LRMDA: variants seen among roughly 807,000 people sequenced by gnomAD.
LRMDA encodes leucine rich melanocyte differentiation associated, also known as leucine-rich melanocyte differentiation-associated protein.
LRMDA carries 18 observed loss-of-function variants against 29.8 expected under a neutral mutation model. That is an observed-to-expected ratio of 0.60 (90% confidence interval 0.42 to 0.90). LRMDA has a LOEUF of 0.90. LRMDA is among the 40% of genes least tolerant of loss of function. The pLI is 0.00. For synonymous variants in LRMDA, 125 were observed against 109.4 expected (o/e 1.14, Z -0.89); for missense variants, 273 against 273.9 (o/e 1.00, Z 0.02).
chr10:76,216,940 C>T (rs560320977), intron 5 of LRMDA, among the ~76,000 whole-genome samples: 4 of 152,190 alleles, frequency 2.6e-5, no homozygotes, highest in African/African-American at 9.6e-5. Flanking sequence ...CCAGTTAAAA[C>T]AAGTGAAGTG....
intron 6 of LRMDA, among the ~76,000 whole-genome samples, chr10:76,358,405 T>C (rs185423823): frequency 6.6e-6 from 1 of 152,334 alleles, no homozygotes; most frequent in East Asian, 1.9e-4. Flanking sequence ...GGTGTCAAAT[T>C]ATGCACAGCG....
chr10:76,004,679 T>G (rs1313056672), intron 2 of LRMDA, among the ~76,000 whole-genome samples: 1 of 152,094 alleles, frequency 6.6e-6, no homozygotes, highest in Non-Finnish European at 1.5e-5. Context: ...AAGGAACCAC[T>G]GCACCAAAGC....
intron 6 of LRMDA, among the ~76,000 whole-genome samples, chr10:76,429,509 T>C (rs1842168376): frequency 6.6e-6 from 1 of 152,048 alleles, no homozygotes; most frequent in Admixed American, 6.5e-5. Flanking sequence ...TTATTCCTCT[T>C]GTCAGGGAGG....
At chr10:76,335,918 A>T (rs1454701647) in intron 6 of LRMDA, among the ~76,000 whole-genome samples, 2 of 152,140 alleles carry the variant, frequency 1.3e-5, no homozygotes, top group Non-Finnish European at 2.9e-5. Context: ...GGAGGGCATA[A>T]TGAGGCATGT....
intron 2 of LRMDA, among the ~76,000 whole-genome samples, chr10:75,907,077 G>A (rs1845771427): frequency 6.6e-6 from 1 of 152,214 alleles, no homozygotes; most frequent in African/African-American, 2.4e-5. Flanking sequence ...AGTTTCTAAT[G>A]TATACGAAAG....
rs555941070 is a variant in LRMDA at position 75,583,766 on chromosome 10, T to A, written c.131+145272T>A. On this transcript the variant is annotated intron_variant, in intron 2 of 6. Transcript: ENST00000611255. ...TCAACTTCTCTTTCTCCTTCCCCAG[T>A]CTCACATTGCACCAAATCAGTCATT... Among the ~76,000 whole-genome samples, 13 of 152,230 alleles carry A rather than the reference T, an allele frequency of 8.5e-5. No individual in the cohort carries two copies. The East Asian group carries it at 9.7e-4, about 11-fold the overall frequency.
At chr10:76,458,265 A>G (rs1842478464) in intron 6 of LRMDA, among the ~76,000 whole-genome samples, 1 of 152,152 alleles carries the variant, frequency 6.6e-6, no homozygotes, top group Non-Finnish European at 1.5e-5. Flanking sequence ...TGAAATCTTG[A>G]CATTGCAATA....
chr10:75,618,246 G>A (rs201532152), intron 2 of LRMDA, among the ~76,000 whole-genome samples: 1 of 41,622 alleles, frequency 2.4e-5, no homozygotes, highest in Non-Finnish European at 1.1e-4. Context: ...AAATAACACT[G>A]TAAAAGTGAT....
chr10:76,389,553 A>T (rs1257582251), intron 6 of LRMDA, among the ~76,000 whole-genome samples: 1 of 152,170 alleles, frequency 6.6e-6, no homozygotes, highest in African/African-American at 2.4e-5. Context: ...ACATTGTGGT[A>T]CCACGATGAC....
At chr10:76,322,336 T>C (rs1840781582) in intron 5 of LRMDA, among the ~76,000 whole-genome samples, 1 of 147,222 alleles carries the variant, frequency 6.8e-6, no homozygotes, top group South Asian at 2.1e-4. Flanking sequence ...AGTTGGATCA[T>C]TGATTTGTAG....
At chr10:76,452,795 C>T (rs1842419379) in intron 6 of LRMDA, among the ~76,000 whole-genome samples, 1 of 152,184 alleles carries the variant, frequency 6.6e-6, no homozygotes. Flanking sequence ...TTCACTCATA[C>T]ACTTGTATAT....
rs908758012 is a variant in LRMDA at position 76,234,456 on chromosome 10, G to A, written c.517-89945G>A. Among the ~76,000 whole-genome samples the A allele has an allele frequency of 7.9e-5, 12 of 152,126 alleles. No homozygotes were observed. In the East Asian group the frequency reaches 1.2e-3, roughly 15 times the overall value. ...TGAACATTGGCTTCAACTTAAAGTC[G>A]CCAGATACATTAGCTCTTATCAAGA... On this transcript the variant is annotated intron_variant, in intron 5 of 6. Transcript: ENST00000611255.
chr10:75,712,793 C>T (rs1301570438), intron 2 of LRMDA, among the ~76,000 whole-genome samples: 1 of 151,948 alleles, frequency 6.6e-6, no homozygotes, highest in Non-Finnish European at 1.5e-5. Context: ...TCTTTTTCAG[C>T]GTCCCCCCAC....
At chr10:75,745,254 C>CA (rs1390427204) in intron 2 of LRMDA, among the ~76,000 whole-genome samples, 2 of 120,586 alleles carry the variant, frequency 1.7e-5, no homozygotes, top group Non-Finnish European at 3.8e-5. Context: ...TATTCATCAT[C>CA]TCTCTCTCTC....
At chr10:75,693,452 T>C (rs1842195685) in intron 2 of LRMDA, among the ~76,000 whole-genome samples, 1 of 152,176 alleles carries the variant, frequency 6.6e-6, no homozygotes, top group Admixed American at 6.5e-5. Flanking sequence ...TTGGAGAAAT[T>C]TGTTAAATTA....
At chr10:75,981,470 G>C (rs1362578896) in intron 2 of LRMDA, among the ~76,000 whole-genome samples, 5 of 152,114 alleles carry the variant, frequency 3.3e-5, no homozygotes, top group Non-Finnish European at 5.9e-5. Context: ...CATATAACAG[G>C]GTGGGTTTTC....
chr10:75,709,332 G>A (rs1842407446), intron 2 of LRMDA, among the ~76,000 whole-genome samples: 1 of 152,106 alleles, frequency 6.6e-6, no homozygotes, highest in South Asian at 2.1e-4. Context: ...GGTATGATGT[G>A]TGCATGTGCA....
At chr10:76,253,074 CTGGGCTTTT>C (rs1375531999) in intron 5 of LRMDA, among the ~76,000 whole-genome samples, 1 of 152,184 alleles carries the variant, frequency 6.6e-6, no homozygotes, top group Non-Finnish European at 1.5e-5. Flanking sequence ...CCAGTGCTTT[CTGGGCTTTT>C]ATTTTTATAT....
chr10:75,442,175 A>G (rs1589145520), intron 2 of LRMDA, among the ~76,000 whole-genome samples: 1 of 152,280 alleles, frequency 6.6e-6, no homozygotes, highest in East Asian at 1.9e-4. Context: ...TGTAGCATAC[A>G]ACATGATGTT....
Sources: gnomAD v4.1 joint callset for allele counts (sites outside exome capture counted in the v4.1 genomes callset) on GRCh38, gnomAD v4.1.1 for gene constraint, MANE v1.5 for transcripts, NCBI Gene and HGNC (gene_info 2026-07-23, HGNC 2026-07-21) for gene names.